The following APOOL variants were observed in gnomAD, a reference collection of about 807,000 sequenced individuals.
The protein encoded by APOOL is MICOS complex subunit MIC27.
APOOL carries 12 observed loss-of-function variants against 23.1 expected under a neutral mutation model. The observed-to-expected ratio is 0.52, with a 90% CI of 0.33 to 0.84. APOOL has a LOEUF of 0.84. APOOL is among the 40% of genes least tolerant of loss of function. The pLI is 0.02. For missense variants in APOOL, 212 were observed against 199.6 expected (o/e 1.06, Z -0.37); for synonymous variants, 77 against 69.9 (o/e 1.10, Z -0.51).
chrX:85,065,199 A>G (rs1197524969), intron 5 of APOOL, among the ~76,000 whole-genome samples: 1 of 109,559 alleles, frequency 9.1e-6, no homozygotes, highest in African/African-American at 3.3e-5. Context: ...TAGGATTGCA[A>G]CCTCTGTTTT....
At chrX:85,080,628 TCAAGTC>T (rs1032012241) in intron 8 of APOOL, among the ~76,000 whole-genome samples, 5 of 111,692 alleles carry the variant, frequency 4.5e-5, no homozygotes, top group Non-Finnish European at 7.5e-5. Flanking sequence ...AGAGCTGAGT[TCAAGTC>T]CTGGATATCC....
At chrX:85,082,097 C>T (rs375588623) in intron 8 of APOOL, among the ~76,000 whole-genome samples, 108 of 112,176 alleles carry the variant, frequency 9.6e-4, no homozygotes, top group Middle Eastern at 9.3e-3. Flanking sequence ...TCTGTCAGTT[C>T]GTCAAAGTCA....
At position 85,091,622 on chromosome X, in the gene APOOL, G is replaced by C. The variant is rs901772591; in HGVS notation, c.*3944G>C. 1 of 111,786 alleles carries C rather than the reference G, an allele frequency of 8.9e-6. No individual in the cohort carries two copies. The highest frequency in any genetic ancestry group is 3.3e-5 in the African/African-American group (1 of 30,722). 9.2% of individuals were successfully genotyped at this position (111,786 alleles called of 1,213,427 possible). ...AAAGGACTTATACTCTACTAGGAAA[G>C]AGAGAAACATAGAAATATAGTGTTG... is the stretch of plus-strand genomic sequence containing the variant. On this transcript the variant is annotated 3_prime_UTR_variant, in exon 9 of 9. Coordinates refer to ENST00000373173, the MANE Select transcript of APOOL (RefSeq NM_198450.6).
rs1924189884 is a variant in APOOL, at chrX:85,083,677, A to G, written c.719-3913A>G. ...GAATGTCATCCTGATTTTATATACAAGAAACCAAAAGAAAATTTGTAACAA... is the reference window on the plus strand; with the variant it reads ...GAATGTCATCCTGATTTTATATACAGGAAACCAAAAGAAAATTTGTAACAA... On this transcript the variant is annotated intron_variant, in intron 8 of 8. Transcript: ENST00000373173. Among the ~76,000 whole-genome samples, 7 of 112,015 alleles carry G rather than the reference A, an allele frequency of 6.2e-5. No homozygotes were observed. In the Admixed American group the frequency reaches 6.7e-4, roughly 11 times the overall value.
At position 85,073,743 on chromosome X, in the gene APOOL, TAAAA is replaced by T. The variant is rs964370795; in HGVS notation, c.487-251_487-248del. ...TAATCTCACTAAAGCTGAAAAAAAT[TAAAA>T]AAATAGACATAGTTTTAAATTTATG... On this transcript the variant is annotated intron_variant, in intron 6 of 8. Transcript: ENST00000373173. 7.2e-5 allele frequency among the ~76,000 whole-genome samples: 8 copies of T among 110,782 alleles called. No individual in the cohort carries two copies. The East Asian group carries it at 2.3e-3, about 31-fold the overall frequency.
At chrX:85,084,371 G>C (rs1338556373) in intron 8 of APOOL, among the ~76,000 whole-genome samples, 1 of 109,689 alleles carries the variant, frequency 9.1e-6, no homozygotes, top group Non-Finnish European at 1.9e-5. Context: ...TCCTAACCTT[G>C]TGATCCTCCC....
intron 1 of APOOL, among the ~76,000 whole-genome samples, chrX:85,026,202 G>A (rs1921837517): frequency 1.8e-5 from 2 of 113,559 alleles, no homozygotes; most frequent in Non-Finnish European, 3.7e-5. Flanking sequence ...GTGGTAGCCT[G>A]AACTCAACCA....
intron 5 of APOOL, among the ~76,000 whole-genome samples, chrX:85,059,891 A>G (rs1326574068): frequency 9.1e-6 from 1 of 109,310 alleles, no homozygotes; most frequent in African/African-American, 3.4e-5. Context: ...ATTAGATCCC[A>G]TTTGTCAATT....
intron 1 of APOOL, among the ~76,000 whole-genome samples, chrX:85,004,408 T>C (rs2042791509): frequency 9.0e-6 from 1 of 111,640 alleles, no homozygotes; most frequent in Admixed American, 9.5e-5. Context: ...TTACACATAG[T>C]GTTGTTGCTT....
chrX:85,005,765 G>A (rs768125174), intron 1 of APOOL, among the ~76,000 whole-genome samples: 4 of 111,573 alleles, frequency 3.6e-5, no homozygotes, highest in African/African-American at 1.3e-4. Context: ...AGAGTAAGGG[G>A]AGTTTCTTAC....
intron 1 of APOOL, among the ~76,000 whole-genome samples, chrX:85,042,814 A>G (rs2147642194): frequency 8.9e-6 from 1 of 112,174 alleles, no homozygotes; most frequent in South Asian, 3.7e-4. Context: ...CATCATATCA[A>G]CAGAATGAAG....
chrX:85,083,235 TGACA>T (rs1386563813), intron 8 of APOOL, among the ~76,000 whole-genome samples: 1 of 111,369 alleles, frequency 9.0e-6, no homozygotes, highest in Non-Finnish European at 1.9e-5. Context: ...AAGATGTGAC[TGACA>T]GTCAAAAGAA....
At chrX:85,067,076 A>C in intron 5 of APOOL, 51 bp from the exon 6 acceptor site, 11 of 806,282 alleles carry the variant, frequency 1.4e-5, no homozygotes, top group Non-Finnish European at 2.0e-5. Flanking sequence ...AAGAACATCA[A>C]GTCTCTGGTG....
At chrX:85,082,026 G>T (rs1014479904) in intron 8 of APOOL, among the ~76,000 whole-genome samples, 3 of 111,337 alleles carry the variant, frequency 2.7e-5, no homozygotes, top group Non-Finnish European at 5.6e-5. Context: ...CCTTGCGGTG[G>T]GTTCGAACAT....
intron 5 of APOOL, among the ~76,000 whole-genome samples, chrX:85,058,607 G>C (rs894537410): frequency 4.5e-5 from 5 of 111,484 alleles, no homozygotes; most frequent in Admixed American, 2.9e-4. Flanking sequence ...GGATTGCTGG[G>C]TCAAATGGTA....
At chrX:85,084,561 C>T (rs1275470686) in intron 8 of APOOL, among the ~76,000 whole-genome samples, 1 of 109,729 alleles carries the variant, frequency 9.1e-6, no homozygotes. Context: ...CAGACTCTAC[C>T]AAGAATTATA....
chrX:85,004,657 T>C (rs1180077303), intron 1 of APOOL, among the ~76,000 whole-genome samples: 1 of 112,038 alleles, frequency 8.9e-6, no homozygotes, highest in African/African-American at 3.2e-5. Context: ...GTCGGCAGCG[T>C]CTACAGTTCT....
intron 5 of APOOL, among the ~76,000 whole-genome samples, chrX:85,066,481 ATTTGAAAGATAT>A (rs1208471330): frequency 9.0e-6 from 1 of 111,592 alleles, no homozygotes; most frequent in African/African-American, 3.3e-5. Flanking sequence ...GGGAGATTCT[ATTTGAAAGATAT>A]TTTGAAAGGA....
intron 1 of APOOL, among the ~76,000 whole-genome samples, chrX:85,032,579 T>C (rs1184791378): frequency 4.5e-5 from 5 of 111,985 alleles, no homozygotes; most frequent in South Asian, 3.7e-4. Flanking sequence ...GTGTATGTTT[T>C]TATTTTTAAT....
Sources: allele counts gnomAD v4.1 joint callset (sites outside exome capture counted in the v4.1 genomes callset), GRCh38; gene constraint gnomAD v4.1.1; transcripts MANE v1.5; gene names NCBI Gene and HGNC (gene_info 2026-07-23, HGNC 2026-07-21).